Variants in MINAR1 observed in about 807,000 individuals in gnomAD.
The protein encoded by MINAR1 is membrane integral NOTCH2 associated receptor 1.
Under a neutral mutation model 65.1 loss-of-function variants are expected in MINAR1, and 40 were observed. That is an observed-to-expected ratio of 0.61 (90% CI 0.48 to 0.80). The LOEUF is 0.80. Among genes scored for constraint, MINAR1 ranks in the 30% least tolerant of loss-of-function variants. MINAR1 has a pLI of 0.00. For missense variants in MINAR1, 1,128 were observed against 1,148.0 expected (o/e 0.98, Z 0.25); for synonymous variants, 482 against 449.1 (o/e 1.07, Z -0.93).
chr15:79,461,711 T>A (rs1435281340), intron 2 of MINAR1, among the ~76,000 whole-genome samples: 1 of 152,204 alleles, frequency 6.6e-6, no homozygotes, highest in African/African-American at 2.4e-5. Context: ...GGTTTGCTGG[T>A]AGGTGGAGAT....
intron 2 of MINAR1, among the ~76,000 whole-genome samples, chr15:79,459,443 A>G (rs1209561939): frequency 6.6e-6 from 1 of 152,162 alleles, no homozygotes; most frequent in Non-Finnish European, 1.5e-5. Context: ...CCTGTGGCCC[A>G]TCCTGTTCAT....
At chr15:79,419,595 C>T in the MINAR1 span, 1 of 152,130 alleles carries the variant, frequency 6.6e-6, no homozygotes, top group Non-Finnish European at 1.5e-5. Flanking sequence ...GCTTCATGTC[C>T]TCTCTCCCTC....
At chr15:79,420,735 A>G in the MINAR1 span, 1 of 152,236 alleles carries the variant, frequency 6.6e-6, no homozygotes, top group African/African-American at 2.4e-5. Context: ...GCCCCAGTTC[A>G]TCACCTCTTT....
intron 1 of MINAR1, among the ~76,000 whole-genome samples, chr15:79,452,074 GTGTT>G (rs1029099584): frequency 1.8e-4 from 27 of 152,274 alleles, no homozygotes; most frequent in African/African-American, 5.8e-4. Context: ...AGGTGTGAAT[GTGTT>G]TGTGGATGTG....
chr15:79,424,305 A>G, the MINAR1 span: 1 of 152,156 alleles, frequency 6.6e-6, no homozygotes, highest in Non-Finnish European at 1.5e-5. Flanking sequence ...TCCCTTAAGT[A>G]CCCTTTTCGA....
intron 2 of MINAR1, among the ~76,000 whole-genome samples, chr15:79,460,265 C>T (rs1260503385): frequency 1.3e-5 from 2 of 152,178 alleles, no homozygotes; most frequent in Non-Finnish European, 2.9e-5. Context: ...ACCTTTGGAG[C>T]TTTGGTTGCA....
rs780003877 is a variant in MINAR1 at position 79,458,297 on chromosome 15, G to C, written c.2150G>C (p.Ser717Thr). 6.8e-6 allele frequency: 11 copies of C among 1,614,180 alleles called. No individual in the cohort carries two copies. The East Asian group carries it at 2.5e-4, about 36-fold the overall frequency. The change falls in exon 2 of 4, where the codon AGT becomes ACT. Residue 717 changes from serine to threonine, a missense_variant. Physicochemically the swap from Ser to Thr is moderately conservative, Grantham distance 58. Coordinates refer to ENST00000305428, the MANE Select transcript of MINAR1 (RefSeq NM_015206.3). ...TCTAGGTCCCTAACAGAGGAGAACA[G>C]TGCCACAGAGTCCAAAATTGCCAGC... ...PSSRSLTEEN[S>T]ATESKIASIS...
In MINAR1 at chr15:79,469,154, T is replaced by C. The variant is rs1895982993; in HGVS notation, c.*770T>C. 6.6e-6 allele frequency: 1 copy of C among 152,656 alleles called. No homozygotes were observed. The highest frequency in any genetic ancestry group is 2.4e-5 in the African/African-American group (1 of 41,458). The allele number at this position is 152,656 out of a possible 1,614,324, so 9.5% of individuals were successfully genotyped here. On this transcript the variant is annotated 3_prime_UTR_variant, in exon 4 of 4. Transcript: ENST00000305428. Reference sequence around the variant, plus strand: ...CCTGCTAACGATGTAAGGTCAGTATTTGAAAATCATGGCCACTCCAAAGGA... The same window carrying C: ...CCTGCTAACGATGTAAGGTCAGTATCTGAAAATCATGGCCACTCCAAAGGA...
At chr15:79,462,474 C>G (rs1251641802) in intron 2 of MINAR1, among the ~76,000 whole-genome samples, 1 of 152,192 alleles carries the variant, frequency 6.6e-6, no homozygotes, top group Admixed American at 6.5e-5. Context: ...AAGGCCATAT[C>G]CCCTCTGACC....
chr15:79,456,046 T>G (rs1895399401), intron 1 of MINAR1, 52 bp from the exon 2 acceptor site: 1 of 1,138,082 alleles, frequency 8.8e-7, no homozygotes, highest in South Asian at 1.6e-5. Flanking sequence ...CAAACTCCAC[T>G]GGTGTTTATA....
At chr15:79,463,772 C>T (rs1057068967) in intron 3 of MINAR1, 3 of 457,348 alleles carry the variant, frequency 6.6e-6, no homozygotes, top group African/African-American at 6.0e-5. Flanking sequence ...TAAGAGCCAT[C>T]CCCGGAAGCT....
intron 2 of MINAR1, among the ~76,000 whole-genome samples, chr15:79,462,590 G>A (rs1405230760): frequency 1.3e-5 from 2 of 152,054 alleles, no homozygotes; most frequent in Non-Finnish European, 2.9e-5. Flanking sequence ...GGTTTTCAGC[G>A]AGTTCCTTGA....
chr15:79,453,098 C>T (rs889813223), intron 1 of MINAR1, among the ~76,000 whole-genome samples: 1 of 151,980 alleles, frequency 6.6e-6, no homozygotes, highest in African/African-American at 2.4e-5. Context: ...GCATTATGCT[C>T]TGAGTGGAGT....
At chr15:79,464,304 C>T (rs994701994) in intron 3 of MINAR1, among the ~76,000 whole-genome samples, 1 of 152,172 alleles carries the variant, frequency 6.6e-6, no homozygotes, top group Non-Finnish European at 1.5e-5. Context: ...ATTTAAAGTA[C>T]CTGGCATCAA....
intron 1 of MINAR1, among the ~76,000 whole-genome samples, chr15:79,455,270 A>AT (rs1262789608): frequency 6.6e-6 from 1 of 152,140 alleles, no homozygotes; most frequent in South Asian, 2.1e-4. Flanking sequence ...ATTTTCTTTC[A>AT]TTTTTGTTTT....
chr15:79,440,001 G>A (rs1282169479), intron 1 of MINAR1, among the ~76,000 whole-genome samples: 2 of 152,086 alleles, frequency 1.3e-5, no homozygotes, highest in Non-Finnish European at 2.9e-5. Context: ...TGCACTTCAG[G>A]GGAAGGAGAC....
chr15:79,441,868 TAATC>T (rs1229660240), intron 1 of MINAR1, among the ~76,000 whole-genome samples: 4 of 152,252 alleles, frequency 2.6e-5, no homozygotes, highest in East Asian at 1.9e-4. Flanking sequence ...TATAAATAAG[TAATC>T]AAACAAATTG....
At chr15:79,432,970 C>A (rs1385598081) in intron 1 of MINAR1, among the ~76,000 whole-genome samples, 1 of 152,202 alleles carries the variant, frequency 6.6e-6, no homozygotes, top group Non-Finnish European at 1.5e-5. Flanking sequence ...GCTGGACAAG[C>A]CCCAGGTGGA....
At chr15:79,460,976 G>C (rs2141300219) in intron 2 of MINAR1, among the ~76,000 whole-genome samples, 1 of 152,158 alleles carries the variant, frequency 6.6e-6, no homozygotes, top group African/African-American at 2.4e-5. Flanking sequence ...AGACTCTCTG[G>C]TCCACCTCCC....
Sources: allele counts gnomAD v4.1 joint callset (sites outside exome capture counted in the v4.1 genomes callset), GRCh38; gene constraint gnomAD v4.1.1; transcripts MANE v1.5; gene names NCBI Gene and HGNC (gene_info 2026-07-23, HGNC 2026-07-21).